Variants in GATAD2B observed in about 807,000 individuals in gnomAD.
GATAD2B encodes the protein GATA zinc finger domain containing 2B, also known as transcriptional repressor p66-beta.
In GATAD2B, 8 loss-of-function variants were observed where a neutral mutation model predicts 64.3. The observed-to-expected ratio is 0.12, with a 90% CI of 0.07 to 0.22. The LOEUF (loss-of-function observed/expected upper bound fraction) is 0.22, where lower values mean the gene tolerates loss of function less well. Ranked by LOEUF, GATAD2B falls within the 10% of genes least tolerant of loss-of-function variation. GATAD2B has a pLI of 1.00. For missense variants in GATAD2B, 453 were observed against 752.0 expected (o/e 0.60, Z 4.65); for synonymous variants, 281 against 271.3 (o/e 1.04, Z -0.35).
chr1:153,902,105 A>AC (rs1447510858), intron 1 of GATAD2B, among the ~76,000 whole-genome samples: 3 of 151,978 alleles, frequency 2.0e-5, no homozygotes, highest in Admixed American at 6.6e-5. Flanking sequence ...ACATGGAGAA[A>AC]CCCCATCTCT....
chr1:153,877,211 T>C (rs1286124034), intron 1 of GATAD2B, among the ~76,000 whole-genome samples: 1 of 152,088 alleles, frequency 6.6e-6, no homozygotes, highest in Admixed American at 6.6e-5. Flanking sequence ...CATGGTGACA[T>C]GCCTATAGTC....
chr1:153,858,214 T>C (rs1311329753), intron 1 of GATAD2B, among the ~76,000 whole-genome samples: 1 of 152,208 alleles, frequency 6.6e-6, no homozygotes, highest in Non-Finnish European at 1.5e-5. Context: ...CTTATTTCTC[T>C]TCTTATAGTC....
chr1:153,853,875 C>T (rs894150705), intron 1 of GATAD2B, among the ~76,000 whole-genome samples: 12 of 152,132 alleles, frequency 7.9e-5, no homozygotes, highest in Non-Finnish European at 1.8e-4. Flanking sequence ...TTGATCCTTT[C>T]CTTATTGTAT....
rs1282855721 is a variant in GATAD2B at position 153,816,006 on chromosome 1, T to C, written c.1216+267A>G. On this transcript the variant is annotated intron_variant, in intron 7 of 10. Transcript: ENST00000368655. This position sits in a 1 kb window ranked among gnomAD's most constrained non-coding sequence, Gnocchi z 4.9. ...AGGCAGAGGTTGCAGTGAACTGAGA[T>C]TGTGCCACTGCACTCCAGCCTGGGC... Among the ~76,000 whole-genome samples the C allele has an allele frequency of 2.0e-5, 3 of 150,510 alleles. No individual in the cohort carries two copies. The highest frequency in any genetic ancestry group is 6.7e-5 in the Admixed American group (1 of 14,932).
intron 1 of GATAD2B, among the ~76,000 whole-genome samples, chr1:153,844,421 T>TAAAAAAAA (rs764420139): frequency 6.2e-5 from 5 of 80,278 alleles, no homozygotes; most frequent in African/African-American, 1.0e-4. Flanking sequence ...TAACAAATTA[T>TAAAAAAAA]AAAAAAAAAA....
At position 153,912,245 on chromosome 1, in the gene GATAD2B, AT is replaced by A. The variant is rs572064758; in HGVS notation, c.-2+10487del. On this transcript the variant is annotated intron_variant, in intron 1 of 10. Coordinates refer to ENST00000368655, the MANE Select transcript of GATAD2B (RefSeq NM_020699.4). ...ATGAGTTCTCAAAAGAAATTGAAGA[AT>A]TTTTTTTTCTTCACCAGCTCAGTTA... Among the ~76,000 whole-genome samples, 23 of 151,964 alleles carry A rather than the reference AT, an allele frequency of 1.5e-4. 1 individual carries two copies. In the East Asian group the frequency reaches 4.1e-3, roughly 27 times the overall value.
At chr1:153,849,032 G>A (rs1449068585) in intron 1 of GATAD2B, among the ~76,000 whole-genome samples, 1 of 151,478 alleles carries the variant, frequency 6.6e-6, no homozygotes, top group Non-Finnish European at 1.5e-5. Context: ...TGTGTGTTCT[G>A]TTTTGTTTTG....
chr1:153,898,816 C>T (rs983150502), intron 1 of GATAD2B: 1 of 152,180 alleles, frequency 6.6e-6, no homozygotes, highest in South Asian at 2.1e-4. Context: ...GAAAATCAGT[C>T]AGCAAAGTAA....
intron 5 of GATAD2B, among the ~76,000 whole-genome samples, chr1:153,817,794 ACTAT>A (rs1674532581): frequency 1.3e-5 from 2 of 152,136 alleles, no homozygotes; most frequent in South Asian, 2.1e-4. Context: ...TAGATAGAAA[ACTAT>A]CTACCCCTTC....
At chr1:153,821,704 C>T (rs1674688987) in intron 2 of GATAD2B, among the ~76,000 whole-genome samples, 1 of 151,910 alleles carries the variant, frequency 6.6e-6, no homozygotes, top group South Asian at 2.1e-4. Context: ...GCTGGGATTA[C>T]AGGTACCCGG....
At chr1:153,876,136 G>A (rs535154787) in intron 1 of GATAD2B, among the ~76,000 whole-genome samples, 1 of 146,266 alleles carries the variant, frequency 6.8e-6, no homozygotes, top group East Asian at 2.1e-4. Context: ...GCTGAGGCAG[G>A]AGAATCGCTT....
intron 1 of GATAD2B, among the ~76,000 whole-genome samples, chr1:153,854,246 C>CA (rs1455375347): frequency 1.3e-5 from 2 of 151,878 alleles, no homozygotes; most frequent in Non-Finnish European, 2.9e-5. Flanking sequence ...ACTAAAAATA[C>CA]AAAAAAATTA....
At chr1:153,898,168 T>C (rs1026028826) in intron 1 of GATAD2B, among the ~76,000 whole-genome samples, 1 of 150,802 alleles carries the variant, frequency 6.6e-6, no homozygotes, top group Admixed American at 6.6e-5. Flanking sequence ...TAGCCAGGTA[T>C]AACAACACAT....
intron 1 of GATAD2B, among the ~76,000 whole-genome samples, chr1:153,864,977 G>A (rs1033865663): frequency 6.6e-6 from 1 of 152,212 alleles, no homozygotes; most frequent in African/African-American, 2.4e-5. Flanking sequence ...GGCTGTGACA[G>A]GAGAATTGCT....
intron 2 of GATAD2B, among the ~76,000 whole-genome samples, chr1:153,824,400 C>T (rs920291616): frequency 1.3e-5 from 2 of 151,994 alleles, no homozygotes; most frequent in African/African-American, 2.4e-5. Context: ...GAGGCCAAGG[C>T]GGGTGAATCA....
chr1:153,871,255 C>T (rs1265632436), intron 1 of GATAD2B, among the ~76,000 whole-genome samples: 3 of 152,002 alleles, frequency 2.0e-5, no homozygotes, highest in Middle Eastern at 3.2e-3. Flanking sequence ...TTAATAGAGA[C>T]GGGGTTTCAC....
intron 1 of GATAD2B, among the ~76,000 whole-genome samples, chr1:153,893,944 A>G (rs983290188): frequency 2.2e-5 from 3 of 138,602 alleles, no homozygotes; most frequent in African/African-American, 8.1e-5. Context: ...GTGACTGAAC[A>G]AGACTCCATC....
At chr1:153,902,253 C>T (rs1677801968) in intron 1 of GATAD2B, among the ~76,000 whole-genome samples, 1 of 151,874 alleles carries the variant, frequency 6.6e-6, no homozygotes, top group Admixed American at 6.6e-5. Flanking sequence ...TGCGCTCCAG[C>T]CTGGGCAACA....
Position 153,820,787 on chromosome 1 carries a change from G to A in GATAD2B, c.336-1052C>T, listed in dbSNP as rs541781833. Among the ~76,000 whole-genome samples the A allele has an allele frequency of 4.0e-4, 61 of 151,836 alleles. No homozygotes were observed. The South Asian group carries it at 9.2e-3, about 23-fold the overall frequency. On this transcript the variant is annotated intron_variant, in intron 2 of 10. Coordinates refer to ENST00000368655, the MANE Select transcript of GATAD2B (RefSeq NM_020699.4). ...TGGGACTACAGGCATGTGCCGCTACGCCCGGCTAATTTTTGTACTTTTTGT... is the reference window on the plus strand; with the variant it reads ...TGGGACTACAGGCATGTGCCGCTACACCCGGCTAATTTTTGTACTTTTTGT...
Sources: allele counts gnomAD v4.1 joint callset (sites outside exome capture counted in the v4.1 genomes callset), GRCh38; gene constraint gnomAD v4.1.1; non-coding constraint Gnocchi (gnomAD v3.1); transcripts MANE v1.5; gene names NCBI Gene and HGNC (gene_info 2026-07-23, HGNC 2026-07-21).